SETDB2: variants seen among roughly 807,000 people sequenced by gnomAD.
SETDB2 encodes SET domain bifurcated histone lysine methyltransferase 2.
In SETDB2, 56 loss-of-function variants were observed where a neutral mutation model predicts 82.5. The ratio of observed to expected loss-of-function variants is 0.68; its 90% CI spans 0.55 to 0.85. The LOEUF (loss-of-function observed/expected upper bound fraction) is 0.85, where lower values mean the gene tolerates loss of function less well. SETDB2 is among the 40% of genes least tolerant of loss of function. SETDB2 has a pLI of 0.00. For missense variants in SETDB2, 677 were observed against 816.4 expected (o/e 0.83, Z 2.08); for synonymous variants, 272 against 284.9 (o/e 0.95, Z 0.46).
chr13:49,475,926 A>C (rs1319204682), intron 5 of SETDB2, among the ~76,000 whole-genome samples: 1 of 152,206 alleles, frequency 6.6e-6, no homozygotes, highest in Non-Finnish European at 1.5e-5. Context: ...GAAGGCAAAC[A>C]GTATAAAGGA....
chr13:49,479,890 A>G (rs2138956967), intron 6 of SETDB2, among the ~76,000 whole-genome samples: 1 of 152,352 alleles, frequency 6.6e-6, no homozygotes, highest in South Asian at 2.1e-4. Flanking sequence ...TATCCATTGT[A>G]AAAGAGCAGA....
chr13:49,466,811 C>CTTTTTTT (rs3039228), intron 4 of SETDB2, among the ~76,000 whole-genome samples: 1 of 116,764 alleles, frequency 8.6e-6, no homozygotes, highest in Non-Finnish European at 1.7e-5. Flanking sequence ...GCCTGGCTAA[C>CTTTTTTT]TTTTTTTTTT....
intron 4 of SETDB2, 39 bp from the exon 5 acceptor site, chr13:49,467,825 A>C (rs1376153683): frequency 6.7e-7 from 1 of 1,499,670 alleles, no homozygotes. Context: ...ATGGTTTTTA[A>C]CTTGGTATAT....
chr13:49,474,786 G>T (rs529600557), intron 5 of SETDB2, among the ~76,000 whole-genome samples: 2 of 152,328 alleles, frequency 1.3e-5, no homozygotes, highest in South Asian at 4.2e-4. Context: ...TGCACATCCA[G>T]TATGGTAGCC....
In SETDB2 at chr13:49,493,699, T is replaced by A. The variant is rs1455486142; in HGVS notation, c.*1850T>A. On this transcript the variant is annotated 3_prime_UTR_variant, in exon 14 of 14. Coordinates refer to ENST00000611815, the MANE Select transcript of SETDB2 (RefSeq NM_001160308.3). ...CCTTATACCTGATTGCTGTTTTGGT[T>A]GGCAAGGTATAGGATTCTTTAGTGG... 1 of 152,198 alleles carries A rather than the reference T, an allele frequency of 6.6e-6. No homozygotes were observed. Among genetic ancestry groups the A allele is most frequent in the Non-Finnish European group, 1.5e-5 (1 of 68,038 alleles). 9.4% of individuals were successfully genotyped at this position (152,198 alleles called of 1,614,324 possible). A position where few individuals can be genotyped will look rare whatever the true frequency, so the allele number is the denominator to read the frequency against.
In SETDB2 at chr13:49,481,116, G is replaced by A; in HGVS notation, c.1156G>A (p.Gly386Arg). 6.2e-7 allele frequency: 1 copy of A among 1,605,186 alleles called. No homozygotes were observed. Among genetic ancestry groups the A allele is most frequent in the Non-Finnish European group, 8.5e-7 (1 of 1,176,574 alleles). Residue 386 changes from glycine to arginine, a missense_variant and splice_region_variant, in exon 8 of 14, where the codon GGA (glycine) becomes AGA (arginine). Coordinates refer to ENST00000611815, the MANE Select transcript of SETDB2 (RefSeq NM_001160308.3). ...DRGTFVCIYS[G>R]RLLSRANTEK... The stretch of plus-strand genomic sequence containing the variant: ...AGGGACATTTGTTTGCATTTATTCA[G>A]GTAAAGCAAAAGTTTATTTTCAAAT...
Position 49,492,018 on chromosome 13 carries a change from T to C in SETDB2, c.*169T>C, listed in dbSNP as rs1641097507. 1 of 683,290 alleles carries C rather than the reference T, an allele frequency of 1.5e-6. No individual in the cohort carries two copies. The highest frequency in any genetic ancestry group is 2.7e-6 in the Non-Finnish European group (1 of 376,352). The allele number at this position is 683,290 out of a possible 1,614,324, so 42.3% of individuals were successfully genotyped here. A position where few individuals can be genotyped will look rare whatever the true frequency, so the allele number is the denominator to read the frequency against. ...TGACTTAGAAATTCCAGGAACACAA[T>C]TAGGATATTTTCATACACATAGGGT... On this transcript the variant is annotated 3_prime_UTR_variant, in exon 14 of 14. Coordinates refer to ENST00000611815, the MANE Select transcript of SETDB2 (RefSeq NM_001160308.3).
Position 49,463,045 on chromosome 13 carries a change from T to C in SETDB2, c.208+1883T>C, listed in dbSNP as rs191368130. The stretch of plus-strand genomic sequence containing the variant: ...TCTTGAGACGAAATCTTGCTCTCTC[T>C]CCCAGGCTGGAGTACAGTGGTGGTA... On this transcript the variant is annotated intron_variant, in intron 4 of 13. Coordinates refer to ENST00000611815, the MANE Select transcript of SETDB2 (RefSeq NM_001160308.3). Among the ~76,000 whole-genome samples, 193 of 152,208 alleles carry C rather than the reference T, an allele frequency of 1.3e-3. 1 individual carries two copies. The highest frequency in any genetic ancestry group is 2.0e-3 in the Non-Finnish European group (137 of 67,996).
In SETDB2 at chr13:49,461,132, A is replaced by G. The variant is rs1594140799; in HGVS notation, c.178A>G (p.Thr60Ala). Residue 60 changes from threonine to alanine, a missense_variant, in exon 4 of 14, where the codon ACT becomes GCT. Thr to Ala is a moderately conservative substitution (Grantham distance 58). Transcript: ENST00000611815. The part of the protein sequence containing the change: ...IQAMILVNEA[T>A]IINSSTSIKD... ...AGCAATGATTCTAGTGAATGAAGCA[A>G]CTATAATTAACAGTTCAACATCAAT... is the stretch of plus-strand genomic sequence containing the variant. The G allele has an allele frequency of 1.2e-6, 2 of 1,611,054 alleles. No individual in the cohort carries two copies. Among genetic ancestry groups the G allele is most frequent in the East Asian group, 4.5e-5 (2 of 44,744 alleles).
chr13:49,476,982 C>T lies in SETDB2; in HGVS notation c.812C>T (p.Thr271Ile). ...GTGTGGCCTCGAGCATATAATCTAACCAACTTTTCCAGCATGTTTACTGAT... is the reference window on the plus strand; with the variant it reads ...GTGTGGCCTCGAGCATATAATCTAATCAACTTTTCCAGCATGTTTACTGAT... ...KTVWPRAYNL[T>I]NFSSMFTDSC... The change falls in exon 6 of 14, where the codon ACC becomes ATC. Residue 271 changes from threonine (T) to isoleucine (I), a missense_variant. Coordinates refer to ENST00000611815, the MANE Select transcript of SETDB2 (RefSeq NM_001160308.3). The T allele has an allele frequency of 6.2e-7, 1 of 1,612,598 alleles. No individual in the cohort carries two copies. The highest frequency in any genetic ancestry group is 8.5e-7 in the Non-Finnish European group (1 of 1,179,774).
chr13:49,471,927 TATATATA>T (rs199521213), intron 5 of SETDB2, among the ~76,000 whole-genome samples: 2,350 of 67,242 alleles, frequency 0.035, 71 homozygotes, highest in African/African-American at 0.15. Flanking sequence ...TATATATATA[TATATATA>T]TTTTTTTTTT....
At chr13:49,445,768 A>C (rs980763735) in intron 1 of SETDB2, 5 of 152,060 alleles carry the variant, frequency 3.3e-5, no homozygotes, top group African/African-American at 1.2e-4. Flanking sequence ...GTCTCCACTA[A>C]AAACACAAAA....
At chr13:49,474,192 G>A (rs1001059822) in intron 5 of SETDB2, among the ~76,000 whole-genome samples, 3 of 152,190 alleles carry the variant, frequency 2.0e-5, no homozygotes, top group African/African-American at 7.2e-5. Context: ...AAGCTGGGAA[G>A]CAGAGGTTGC....
In SETDB2 at chr13:49,460,188, A is replaced by G. The variant is rs1390241194; in HGVS notation, c.98A>G (p.Gln33Arg). ...TTTGAACAAGTACAAAATGTGCTGC[A>G]GTCACTGAAACAAAAGATCAAAGAT... is the stretch of plus-strand genomic sequence containing the variant. ...FIFEQVQNVL[Q>R]SLKQKIKDGS... is the part of the protein sequence containing the mutation. Residue 33 changes from glutamine to arginine, a missense_variant, in exon 3 of 14, where the codon CAG becomes CGG. By Grantham distance (43) the Gln-to-Arg change is conservative. Coordinates refer to ENST00000611815, the MANE Select transcript of SETDB2 (RefSeq NM_001160308.3). 6.2e-7 allele frequency: 1 copy of G among 1,613,326 alleles called. No individual in the cohort carries two copies. The highest frequency in any genetic ancestry group is 2.2e-5 in the East Asian group (1 of 44,786).
At position 49,451,699 on chromosome 13, in the gene SETDB2, T is replaced by A; in HGVS notation, c.-195T>A. 1 of 404,642 alleles carries A rather than the reference T, an allele frequency of 2.5e-6. No individual in the cohort carries two copies. Among genetic ancestry groups the A allele is most frequent in the Non-Finnish European group, 4.5e-6 (1 of 223,040 alleles). 25.1% of individuals were successfully genotyped at this position (404,642 alleles called of 1,614,324 possible). On this transcript the variant is annotated 5_prime_UTR_variant, in exon 2 of 14. Coordinates refer to ENST00000611815, the MANE Select transcript of SETDB2 (RefSeq NM_001160308.3). ...TTGGACTGTCACTCATTTCTGAAAGTTTCTTCAGCCACAATTTCTATTTGA... is the reference window on the plus strand; with the variant it reads ...TTGGACTGTCACTCATTTCTGAAAGATTCTTCAGCCACAATTTCTATTTGA...
intron 6 of SETDB2, among the ~76,000 whole-genome samples, chr13:49,478,819 G>A (rs757680290): frequency 6.6e-6 from 1 of 152,054 alleles, no homozygotes; most frequent in Admixed American, 6.6e-5. Flanking sequence ...CCAGCTAGTC[G>A]GGAGTCTGAG....
chr13:49,460,606 G>C (rs147499742), intron 3 of SETDB2, among the ~76,000 whole-genome samples: 573 of 152,092 alleles, frequency 3.8e-3, no homozygotes, highest in African/African-American at 0.013. Flanking sequence ...AGCAAAATTT[G>C]TGTTCTACAT....
In SETDB2 at chr13:49,487,515, A is replaced by T. The variant is rs9568220; in HGVS notation, c.1577-775A>T. 5.9e-4 allele frequency among the ~76,000 whole-genome samples: 89 copies of T among 151,574 alleles called. No homozygotes were observed. The East Asian group carries it at 9.9e-3, about 17-fold the overall frequency. ...CTTGTTGGCTAATTTCTTTTTTTTA[A>T]AATTTTTTGTAGAGATGGGGTCTCA... On this transcript the variant is annotated intron_variant, in intron 11 of 13. Coordinates refer to ENST00000611815, the MANE Select transcript of SETDB2 (RefSeq NM_001160308.3).
At chr13:49,459,794 A>C (rs1957957678) in intron 2 of SETDB2, 1 of 178,108 alleles carries the variant, frequency 5.6e-6, no homozygotes, top group African/African-American at 2.4e-5. Context: ...TTTAAAGTGC[A>C]TGTATAATCT....
Sources: gnomAD v4.1 joint callset for allele counts (sites outside exome capture counted in the v4.1 genomes callset) on GRCh38, gnomAD v4.1.1 for gene constraint, MANE v1.5 for transcripts, NCBI Gene and HGNC (gene_info 2026-07-23, HGNC 2026-07-21) for gene names.